DAPK2: variants seen among roughly 807,000 people sequenced by gnomAD.
DAPK2 encodes the protein death-associated protein kinase 2.
Under a neutral mutation model 44.1 loss-of-function variants are expected in DAPK2, and 35 were observed. The ratio of observed to expected loss-of-function variants is 0.79; its 90% confidence interval spans 0.61 to 1.05. The LOEUF (loss-of-function observed/expected upper bound fraction) is 1.05. DAPK2 is among the 50% of genes least tolerant of loss of function. The pLI is 0.00. For missense variants in DAPK2, 453 were observed against 483.2 expected, an observed-to-expected ratio of 0.94 and a Z score of 0.59; for synonymous variants, 174 against 182.6, an observed-to-expected ratio of 0.95 and a Z score of 0.38.
chr15:63,932,672 GAAAGTGTGAGTTTATCTA>G (rs1437476305), intron 4 of DAPK2: 1 of 152,138 alleles, frequency 6.6e-6, no homozygotes, highest in Non-Finnish European at 1.5e-5. Context: ...TGGAGAGTGG[GAAAGTGTGAGTTTATCTA>G]AAACAATATC....
chr15:63,936,960 A>G (rs1464469414), intron 4 of DAPK2, among the ~76,000 whole-genome samples: 1 of 140,336 alleles, frequency 7.1e-6, no homozygotes, highest in Non-Finnish European at 1.5e-5. Flanking sequence ...AGCCTGGGTG[A>G]CAGAGTGAGA....
chr15:63,937,157 A>T (rs1211294681), intron 4 of DAPK2, among the ~76,000 whole-genome samples: 1 of 152,124 alleles, frequency 6.6e-6, no homozygotes, highest in Admixed American at 6.5e-5. Context: ...GGGTCTTGGG[A>T]AAGAAAGTCA....
At chr15:63,975,795 C>T (rs1288649414) in intron 2 of DAPK2, among the ~76,000 whole-genome samples, 1 of 152,096 alleles carries the variant, frequency 6.6e-6, no homozygotes, top group African/African-American at 2.4e-5. Flanking sequence ...AATGGGGTTT[C>T]ACCATATTGG....
rs71131201 is a variant in DAPK2, at chr15:64,030,979, TACACAC to T, written c.92+9185_92+9190del. 4.5e-3 allele frequency among the ~76,000 whole-genome samples: 625 copies of T among 140,284 alleles called. 9 individuals carry two copies. Among genetic ancestry groups the T allele is most frequent in the African/African-American group, 0.016 (587 of 37,232 alleles). The allele number at this position is 140,284 out of a possible 152,430, so 92.0% of individuals were successfully genotyped here. ...AAGACCCTGTCTCAAAATACACACA[TACACAC>T]ACACACACACACACACACACACACA... On this transcript the variant is annotated intron_variant, in intron 1 of 10. Transcript: ENST00000261891.
intron 3 of DAPK2, among the ~76,000 whole-genome samples, chr15:63,940,153 C>CA (rs1285131298): frequency 6.6e-6 from 1 of 152,228 alleles, no homozygotes; most frequent in African/African-American, 2.4e-5. Context: ...CCCAACCACT[C>CA]AGACTACGGT....
intron 3 of DAPK2, among the ~76,000 whole-genome samples, chr15:63,967,023 C>CA (rs570248091): frequency 5.4e-4 from 82 of 151,820 alleles, no homozygotes; most frequent in African/African-American, 1.8e-3. Flanking sequence ...ACTAAAAATA[C>CA]AAAAAAATTA....
At chr15:63,965,485 A>G (rs549133447) in intron 3 of DAPK2, among the ~76,000 whole-genome samples, 1 of 152,302 alleles carries the variant, frequency 6.6e-6, no homozygotes, top group South Asian at 2.1e-4. Flanking sequence ...TCAAGGCCCT[A>G]GGGCTCTACA....
chr15:63,986,081 A>G (rs2078660710), intron 1 of DAPK2, among the ~76,000 whole-genome samples: 1 of 152,202 alleles, frequency 6.6e-6, no homozygotes, highest in Non-Finnish European at 1.5e-5. Flanking sequence ...CTCAACCTGT[A>G]GAGGGGAGCC....
rs764027045 is a variant in DAPK2 at position 63,923,789 on chromosome 15, G to A, written c.858+1027C>T. ...AGATAAAGCTGACCTCTTCCCAGAC[G>A]ACTCCAGCCCTCCCTGTTCTGTCTT... On this transcript the variant is annotated intron_variant, in intron 8 of 10. Coordinates refer to ENST00000261891, the Ensembl canonical transcript of DAPK2. The surrounding 1 kb of genome is among the most constrained non-coding windows in gnomAD (Gnocchi z 4.2). Among the ~76,000 whole-genome samples, 5 of 152,152 alleles carry A rather than the reference G, an allele frequency of 3.3e-5. No homozygotes were observed. Among genetic ancestry groups the A allele is most frequent in the Admixed American group, 6.6e-5 (1 of 15,260 alleles).
At position 64,020,900 on chromosome 15, in the gene DAPK2, A is replaced by G. The variant is rs1342280020; in HGVS notation, c.92+19270T>C. ...CATTCAGGTCTCACTTCTGCCACCAAAATGCCTTGTGACCCAGAGACAGAA... is the reference window on the plus strand; with the variant it reads ...CATTCAGGTCTCACTTCTGCCACCAGAATGCCTTGTGACCCAGAGACAGAA... On this transcript the variant is annotated intron_variant, in intron 1 of 10. Transcript: ENST00000261891. The surrounding 1 kb of genome is among the most constrained non-coding windows in gnomAD (Gnocchi z 4.5). Among the ~76,000 whole-genome samples the G allele has an allele frequency of 6.6e-6, 1 of 152,192 alleles. No homozygotes were observed. Among genetic ancestry groups the G allele is most frequent in the African/African-American group, 2.4e-5 (1 of 41,452 alleles).
chr15:63,914,922 C>T (rs2078888805), intron 8 of DAPK2, among the ~76,000 whole-genome samples: 1 of 152,144 alleles, frequency 6.6e-6, no homozygotes, highest in African/African-American at 2.4e-5. Flanking sequence ...GTGGTGCTAC[C>T]CAATATTCTA....
intron 1 of DAPK2, among the ~76,000 whole-genome samples, chr15:64,023,022 G>C (rs2079737370): frequency 6.6e-6 from 1 of 152,178 alleles, no homozygotes; most frequent in African/African-American, 2.4e-5. Context: ...GTAGGTACCA[G>C]TATACAATCC....
rs2079127722 is a variant in DAPK2 at position 64,002,957 on chromosome 15, T to TGGGAC, written c.93-19204_93-19203insGTCCC. ...GTGTGTGTGTGTGTGTGTGTGTGTG[T>TGGGAC]GTGTGTGTCGTGGGACCTGTGTGTG... is the stretch of plus-strand genomic sequence containing the variant. On this transcript the variant is annotated intron_variant, in intron 1 of 10. Transcript: ENST00000261891. Among the ~76,000 whole-genome samples the TGGGAC allele has an allele frequency of 6.3e-5, 7 of 111,266 alleles. No individual in the cohort carries two copies. The East Asian group carries it at 1.5e-3, about 24-fold the overall frequency. The allele number at this position is 111,266 out of a possible 152,430, so 73.0% of individuals were successfully genotyped here.
chr15:63,971,800 A>C (rs2140747417), intron 2 of DAPK2, among the ~76,000 whole-genome samples: 1 of 152,348 alleles, frequency 6.6e-6, no homozygotes, highest in African/African-American at 2.4e-5. Flanking sequence ...TGTTGTCAGA[A>C]GAGCCTCTGC....
chr15:63,968,346 T>C (rs2078114008), intron 3 of DAPK2, among the ~76,000 whole-genome samples: 1 of 152,182 alleles, frequency 6.6e-6, no homozygotes, highest in Non-Finnish European at 1.5e-5. Context: ...CTGGCCATGG[T>C]GGGGACTGGC....
At chr15:64,019,272 T>C (rs762654569) in intron 1 of DAPK2, among the ~76,000 whole-genome samples, 1 of 152,242 alleles carries the variant, frequency 6.6e-6, no homozygotes, top group Non-Finnish European at 1.5e-5. Context: ...AGTGTCTGTT[T>C]ACACAGAAAA....
At chr15:63,926,901 T>G (rs2079297667) in intron 6 of DAPK2, among the ~76,000 whole-genome samples, 2 of 152,212 alleles carry the variant, frequency 1.3e-5, no homozygotes, top group African/African-American at 4.8e-5. Flanking sequence ...GGCCAAAAGC[T>G]TCCTTGTTGG....
chr15:64,040,599 G>A (rs1250080357), upstream of DAPK2, among the ~76,000 whole-genome samples: 1 of 152,032 alleles, frequency 6.6e-6, no homozygotes, highest in Non-Finnish European at 1.5e-5. Flanking sequence ...TGCAAAAAGA[G>A]GCAGCTGTTG....
At chr15:64,019,964 C>T (rs332283) in intron 1 of DAPK2, among the ~76,000 whole-genome samples, 5,642 of 152,238 alleles carry the variant, frequency 0.037, 329 homozygotes, top group African/African-American at 0.13. Flanking sequence ...ATTTACTAGC[C>T]ATGTTGCTAA....
Sources: gnomAD v4.1 joint callset for allele counts (sites outside exome capture counted in the v4.1 genomes callset) on GRCh38, gnomAD v4.1.1 for gene constraint, Gnocchi (gnomAD v3.1) non-coding constraint, MANE v1.5 for transcripts, NCBI Gene and HGNC (gene_info 2026-07-23, HGNC 2026-07-21) for gene names.